Variants in DAB1 observed in about 807,000 individuals in gnomAD.
DAB1 encodes DAB adaptor protein 1, also known as disabled homolog 1.
A neutral mutation model predicts 64.6 loss-of-function variants in DAB1; 15 were observed. That is an observed-to-expected ratio of 0.23 (90% CI 0.16 to 0.36). The LOEUF is 0.36. Among genes scored for constraint, DAB1 ranks in the 10% least tolerant of loss-of-function variants. DAB1 has a pLI of 1.00. For missense variants in DAB1, 596 were observed against 706.7 expected (o/e 0.84, Z 1.78); for synonymous variants, 235 against 251.9 (o/e 0.93, Z 0.64).
At chr1:57,887,668 C>T (rs1644244405), upstream of DAB1, among the ~76,000 whole-genome samples, 1 of 152,106 alleles carries the variant, frequency 6.6e-6, no homozygotes, top group Non-Finnish European at 1.5e-5. Flanking sequence ...AAGACATTAA[C>T]AGACTCTGTT....
At chr1:57,364,222 G>A (rs1282756213) in intron 1 of DAB1, among the ~76,000 whole-genome samples, 2 of 152,140 alleles carry the variant, frequency 1.3e-5, no homozygotes, top group African/African-American at 2.4e-5. Flanking sequence ...TCCCAACTTT[G>A]GGGATGGGGG....
intron 9 of DAB1, among the ~76,000 whole-genome samples, chr1:57,058,712 G>A (rs1380621620): frequency 6.6e-6 from 1 of 152,194 alleles, no homozygotes; most frequent in African/African-American, 2.4e-5. Flanking sequence ...TTACATAGCT[G>A]AGAAGACCAA....
At chr1:57,748,138 AGTG>A (rs1648374682) in intron 6 of DAB1, among the ~76,000 whole-genome samples, 1 of 152,166 alleles carries the variant, frequency 6.6e-6, no homozygotes, top group Admixed American at 6.5e-5. Context: ...TAGGATACAG[AGTG>A]GCTTACCAAA....
intron 9 of DAB1, among the ~76,000 whole-genome samples, chr1:57,059,032 A>C (rs1179930770): frequency 1.3e-5 from 2 of 152,208 alleles, no homozygotes; most frequent in African/African-American, 4.8e-5. Context: ...GGGGTAAGGA[A>C]GGCTTTCCAG....
chr1:57,280,822 T>A (rs572236688), intron 2 of DAB1, among the ~76,000 whole-genome samples: 3 of 152,132 alleles, frequency 2.0e-5, no homozygotes, highest in Non-Finnish European at 4.4e-5. Context: ...TTTTTTTAAA[T>A]TTTTTTTCTC....
intron 3 of DAB1, among the ~76,000 whole-genome samples, chr1:58,394,974 A>G (rs981266432): frequency 6.7e-6 from 1 of 148,292 alleles, no homozygotes; most frequent in Non-Finnish European, 1.5e-5. Flanking sequence ...CAAGGTATAG[A>G]GGAAGCAAAA....
chr1:57,417,685 C>A (rs1294261761), intron 1 of DAB1, among the ~76,000 whole-genome samples: 1 of 152,088 alleles, frequency 6.6e-6, no homozygotes, highest in Non-Finnish European at 1.5e-5. Context: ...TTATTTTTCC[C>A]TCTGAGCCTT....
chr1:57,321,877 C>G (rs796893003), intron 1 of DAB1, among the ~76,000 whole-genome samples: 4 of 89,302 alleles, frequency 4.5e-5, no homozygotes, highest in African/African-American at 1.1e-4. Flanking sequence ...ATGACTCTTT[C>G]CACAATACCT....
At chr1:57,594,368 C>A (rs1477427191) in intron 7 of DAB1, among the ~76,000 whole-genome samples, 1 of 152,188 alleles carries the variant, frequency 6.6e-6, no homozygotes, top group Non-Finnish European at 1.5e-5. Flanking sequence ...AGGATTTTAA[C>A]AAATGAAGCC....
chr1:57,236,655 C>T (rs1668109364), intron 2 of DAB1, among the ~76,000 whole-genome samples: 1 of 152,194 alleles, frequency 6.6e-6, no homozygotes, highest in South Asian at 2.1e-4. Flanking sequence ...ATCTTTTCTT[C>T]TCATGGGCAG....
At chr1:57,807,350 A>G (rs1255187782) in intron 6 of DAB1, among the ~76,000 whole-genome samples, 1 of 152,102 alleles carries the variant, frequency 6.6e-6, no homozygotes, top group Non-Finnish European at 1.5e-5. Flanking sequence ...AAAGTTTCAT[A>G]CTCAAGAGCA....
intron 1 of DAB1, among the ~76,000 whole-genome samples, chr1:57,872,240 A>G (rs529768078): frequency 6.6e-6 from 1 of 152,298 alleles, no homozygotes; most frequent in African/African-American, 2.4e-5. Flanking sequence ...CTAATTTCCA[A>G]TGTGATGGTA....
chr1:57,842,938 T>C (rs1653119649), intron 1 of DAB1, among the ~76,000 whole-genome samples: 1 of 152,236 alleles, frequency 6.6e-6, no homozygotes, highest in Non-Finnish European at 1.5e-5. Flanking sequence ...GTGTTGAATA[T>C]CTTATGTGAT....
chr1:57,160,024 C>G (rs1165979274), intron 2 of DAB1, among the ~76,000 whole-genome samples: 1 of 152,114 alleles, frequency 6.6e-6, no homozygotes, highest in Non-Finnish European at 1.5e-5. Flanking sequence ...GACTTTAAAT[C>G]TGCAGCTTTA....
chr1:58,205,795 T>G (rs192245281), intron 4 of DAB1, among the ~76,000 whole-genome samples: 23 of 152,078 alleles, frequency 1.5e-4, no homozygotes, highest in African/African-American at 5.1e-4. Context: ...TGTGCATAGG[T>G]GTAAGGAACA....
At position 57,951,317 on chromosome 1, in the gene DAB1, C is replaced by CATATATATATATATATATATATATATAT. The variant is rs150140800; in HGVS notation, n.388-67156_388-67155insATATATATATATATATATATATATATAT. On this transcript the variant is annotated intron_variant and non_coding_transcript_variant, in intron 5 of 20. Coordinates refer to the DAB1 transcript ENST00000485760. ...CAGATCCGGGAAGAGGAGCCTGATT[C>CATATATATATATATATATATATATATAT]ATATATATATATATACTTCCCTGGA... 4.7e-3 allele frequency among the ~76,000 whole-genome samples: 330 copies of CATATATATATATATATATATATATATAT among 69,728 alleles called. 16 individuals carry two copies. Among genetic ancestry groups the CATATATATATATATATATATATATATAT allele is most frequent in the African/African-American group, 0.012 (298 of 24,156 alleles). The allele number at this position is 69,728 out of a possible 152,430, so 45.7% of individuals were successfully genotyped here.
intron 5 of DAB1, among the ~76,000 whole-genome samples, chr1:57,975,564 G>A (rs1021670704): frequency 1.3e-5 from 2 of 152,080 alleles, no homozygotes; most frequent in African/African-American, 4.8e-5. Flanking sequence ...TAGCAGCTAG[G>A]GTATATGGTT....
intron 5 of DAB1, among the ~76,000 whole-genome samples, chr1:58,016,733 A>G (rs1646745709): frequency 6.6e-6 from 1 of 152,136 alleles, no homozygotes; most frequent in East Asian, 1.9e-4. Flanking sequence ...CAGCTATAAA[A>G]TATTTCTCCA....
chr1:57,488,512 A>G (rs1644122186), intron 7 of DAB1, among the ~76,000 whole-genome samples: 1 of 151,640 alleles, frequency 6.6e-6, no homozygotes, highest in Admixed American at 6.6e-5. Context: ...CCCCATCTCT[A>G]CTAAAAATAC....
Sources: gnomAD v4.1 joint callset for allele counts (sites outside exome capture counted in the v4.1 genomes callset) on GRCh38, gnomAD v4.1.1 for gene constraint, MANE v1.5 for transcripts, NCBI Gene and HGNC (gene_info 2026-07-23, HGNC 2026-07-21) for gene names.